The following ADD1 variants were observed in gnomAD, a reference collection of about 807,000 sequenced individuals.
ADD1 encodes adducin 1, also known as alpha-adducin.
In ADD1, 24 loss-of-function variants were observed where a neutral mutation model predicts 80.5. The observed-to-expected ratio is 0.30, with a 90% confidence interval of 0.22 to 0.42. The LOEUF (loss-of-function observed/expected upper bound fraction) is 0.42, where lower values mean the gene tolerates loss of function less well. ADD1 is among the 10% of genes least tolerant of loss of function. The pLI, the probability that ADD1 is intolerant of heterozygous loss-of-function variation, is 1.00. For synonymous variants in ADD1, 373 were observed against 393.8 expected, an observed-to-expected ratio of 0.95 and a Z score of 0.63; for missense variants, 948 against 1,019.0, an observed-to-expected ratio of 0.93 and a Z score of 0.95.
intron 14 of ADD1, among the ~76,000 whole-genome samples, chr4:2,917,176 C>T (rs1336673392): frequency 3.3e-5 from 5 of 152,220 alleles, no homozygotes; most frequent in Non-Finnish European, 4.4e-5. Flanking sequence ...TCCTATTTCT[C>T]CACATCCTCT....
chr4:2,849,987 T>C (rs1015780862), intron 1 of ADD1, among the ~76,000 whole-genome samples: 34 of 152,214 alleles, frequency 2.2e-4, no homozygotes, highest in African/African-American at 8.0e-4. Context: ...AGTGAAAACA[T>C]ATGTCCGTAC....
At position 2,881,886 on chromosome 4, in the gene ADD1, A is replaced by G. The variant is rs147906331; in HGVS notation, c.196-12A>G. On this transcript the variant is annotated splice_polypyrimidine_tract_variant and intron_variant, in intron 2 of 15. Coordinates refer to ENST00000683351, the MANE Select transcript of ADD1 (RefSeq NM_001354761.2). Reference sequence around the variant, plus strand: ...ATAAATGGTATCTCAGTGTTTTAATATTTTTTATTAGGCTTTCTGTGAAGA... The same window carrying G: ...ATAAATGGTATCTCAGTGTTTTAATGTTTTTTATTAGGCTTTCTGTGAAGA... 2 of 1,589,674 alleles carry G rather than the reference A, an allele frequency of 1.3e-6. No individual in the cohort carries two copies. Among genetic ancestry groups the G allele is most frequent in the African/African-American group, 2.7e-5 (2 of 73,632 alleles).
chr4:2,910,389 C>T (rs1209518428), intron 13 of ADD1, among the ~76,000 whole-genome samples: 1 of 152,064 alleles, frequency 6.6e-6, no homozygotes, highest in Non-Finnish European at 1.5e-5. Flanking sequence ...CATTATTTTG[C>T]ATATTTACTT....
rs375850748 is a variant in ADD1, at chr4:2,879,621, ACT to A, written c.196-2268_196-2267del. Among the ~76,000 whole-genome samples, 73 of 149,224 alleles carry A rather than the reference ACT, an allele frequency of 4.9e-4. 1 individual carries two copies. In the South Asian group the frequency reaches 0.014, roughly 28 times the overall value. Reference sequence around the variant, plus strand: ...TCAGGAGATGCCATCTGTATCTCTTACTCTCTCTCTTTTTTTTTTGAGATGGA... The same window carrying A: ...TCAGGAGATGCCATCTGTATCTCTTACTCTCTCTTTTTTTTTTGAGATGGA... On this transcript the variant is annotated intron_variant, in intron 2 of 15. Coordinates refer to ENST00000683351, the MANE Select transcript of ADD1 (RefSeq NM_001354761.2).
chr4:2,879,034 C>T (rs531695194), intron 2 of ADD1, among the ~76,000 whole-genome samples: 3 of 152,008 alleles, frequency 2.0e-5, no homozygotes, highest in African/African-American at 7.3e-5. Context: ...TGACCATGGA[C>T]GTGGGAGCCT....
chr4:2,896,794 T>C (rs545779433), intron 6 of ADD1, among the ~76,000 whole-genome samples: 2 of 152,340 alleles, frequency 1.3e-5, no homozygotes, highest in South Asian at 4.1e-4. Context: ...GATCTCACCC[T>C]GTCTCCCAGG....
Position 2,862,000 on chromosome 4 carries a change from T to C in ADD1, c.-20-13896T>C, listed in dbSNP as rs571612639. 2.6e-5 allele frequency among the ~76,000 whole-genome samples: 4 copies of C among 152,326 alleles called. No homozygotes were observed. In the South Asian group the frequency reaches 8.3e-4, roughly 32 times the overall value. ...TGGCCCGAGACAATTCTTCTTCCAG[T>C]GTGGCCCAGGGAAGCCAAAAGATTG... On this transcript the variant is annotated intron_variant, in intron 1 of 15. Transcript: ENST00000683351.
At chr4:2,894,865 CACT>C in intron 6 of ADD1, 134 bp downstream of exon 6, 1 of 1,004,440 alleles carries the variant, frequency 1.0e-6, no homozygotes, top group Non-Finnish European at 1.4e-6. Context: ...AAAGGTGTAC[CACT>C]AAGTTTGACT....
chr4:2,848,766 T>TGCA (rs1183045550), intron 1 of ADD1, among the ~76,000 whole-genome samples: 2 of 152,174 alleles, frequency 1.3e-5, no homozygotes, highest in Admixed American at 1.3e-4. Flanking sequence ...CATGAGTCAC[T>TGCA]GCACCTGACC....
intron 1 of ADD1, among the ~76,000 whole-genome samples, chr4:2,859,944 A>G (rs1728610375): frequency 6.7e-6 from 1 of 149,676 alleles, no homozygotes; most frequent in African/African-American, 2.5e-5. Flanking sequence ...TTTTCAGGAG[A>G]AACATTCTCA....
At chr4:2,884,876 T>C (rs1330854581) in intron 4 of ADD1, among the ~76,000 whole-genome samples, 1 of 152,214 alleles carries the variant, frequency 6.6e-6, no homozygotes, top group Non-Finnish European at 1.5e-5. Context: ...AAAATTTCTT[T>C]CTTGCGTGCT....
intron 14 of ADD1, among the ~76,000 whole-genome samples, chr4:2,920,804 G>C (rs983205496): frequency 2.6e-5 from 4 of 152,082 alleles, no homozygotes; most frequent in African/African-American, 9.7e-5. Context: ...GCCAGTCTGT[G>C]TCTTTTAATT....
At chr4:2,880,514 CTCCCAAGCT>C (rs2108921048) in intron 2 of ADD1, among the ~76,000 whole-genome samples, 1 of 110,080 alleles carries the variant, frequency 9.1e-6, no homozygotes, top group East Asian at 3.0e-4. Context: ...CTCGCTCTAT[CTCCCAAGCT>C]GGAGTGCAGT....
At position 2,926,143 on chromosome 4, in the gene ADD1, T is replaced by G. The variant is rs778649998; in HGVS notation, c.2047+31T>G. The G allele has an allele frequency of 2.5e-6, 4 of 1,589,186 alleles. No homozygotes were observed. Among genetic ancestry groups the G allele is most frequent in the Non-Finnish European group, 2.6e-6 (3 of 1,157,832 alleles). On this transcript the variant is annotated intron_variant, in intron 15 of 15. Transcript: ENST00000683351. The surrounding 1 kb of genome is among the most constrained non-coding windows in gnomAD (Gnocchi z 5.0). Reference sequence around the variant, plus strand: ...CTCTGGGTGGCAGCGGCCGCCACTGTGGGAGGGTGCACGGCTCGTGCGCGC... The same window carrying G: ...CTCTGGGTGGCAGCGGCCGCCACTGGGGGAGGGTGCACGGCTCGTGCGCGC...
At position 2,905,050 on chromosome 4, in the gene ADD1, C is replaced by G; in HGVS notation, c.1448C>G (p.Pro483Arg). ...AACATTACACACGATCACGTGAAAC[C>G]CTTGCTGCAGTCTCTCTCGTCCGGT... ...WTNITHDHVK[P>R]LLQSLSSGVC... Residue 483 changes from proline to arginine, a missense_variant, in exon 10 of 16, where the codon CCC (proline) becomes CGC (arginine). Coordinates refer to ENST00000683351, the MANE Select transcript of ADD1 (RefSeq NM_001354761.2). The G allele has an allele frequency of 6.2e-7, 1 of 1,614,174 alleles. No individual in the cohort carries two copies. Among genetic ancestry groups the G allele is most frequent in the Non-Finnish European group, 8.5e-7 (1 of 1,180,028 alleles).
At chr4:2,869,008 A>T (rs571354212) in intron 1 of ADD1, among the ~76,000 whole-genome samples, 1 of 152,006 alleles carries the variant, frequency 6.6e-6, no homozygotes, top group South Asian at 2.1e-4. Flanking sequence ...GACTGCGCTC[A>T]CTCTGCTGTG....
chr4:2,925,310 G>A (rs1740782370), intron 14 of ADD1, among the ~76,000 whole-genome samples: 1 of 152,272 alleles, frequency 6.6e-6, no homozygotes, highest in Non-Finnish European at 1.5e-5. Context: ...GAGCTCAGAA[G>A]GATGATGATA....
intron 4 of ADD1, among the ~76,000 whole-genome samples, chr4:2,889,106 T>C (rs1372729348): frequency 6.6e-6 from 1 of 152,110 alleles, no homozygotes; most frequent in Non-Finnish European, 1.5e-5. Context: ...CTACCAGATG[T>C]CAAACTTAAT....
intron 4 of ADD1, among the ~76,000 whole-genome samples, chr4:2,891,051 A>G (rs1023552411): frequency 3.3e-5 from 5 of 152,016 alleles, no homozygotes; most frequent in African/African-American, 1.2e-4. Context: ...TTTGGAGGCC[A>G]AGGCAGGAGG....
Sources: allele counts gnomAD v4.1 joint callset (sites outside exome capture counted in the v4.1 genomes callset), GRCh38; gene constraint gnomAD v4.1.1; non-coding constraint Gnocchi (gnomAD v3.1); transcripts MANE v1.5; gene names NCBI Gene and HGNC (gene_info 2026-07-23, HGNC 2026-07-21).